The following WDR70 variants were observed in gnomAD, a reference collection of about 807,000 sequenced individuals.
WDR70 encodes the protein WD repeat-containing protein 70.
In WDR70, 53 loss-of-function variants were observed where a neutral mutation model predicts 88.6. The ratio of observed to expected loss-of-function variants is 0.60; its 90% CI spans 0.48 to 0.75. The LOEUF (loss-of-function observed/expected upper bound fraction) is 0.75, where lower values mean the gene tolerates loss of function less well. Among genes scored for constraint, WDR70 ranks in the 30% least tolerant of loss-of-function variants. The pLI, the probability that WDR70 is intolerant of heterozygous loss-of-function variation, is 0.00. For missense variants in WDR70, 610 were observed against 823.2 expected (o/e 0.74, Z 3.17); for synonymous variants, 280 against 270.0 (o/e 1.04, Z -0.36).
intron 5 of WDR70, among the ~76,000 whole-genome samples, chr5:37,402,944 G>GTT (rs5867348): frequency 0.02 from 1,692 of 84,312 alleles, 222 homozygotes; most frequent in African/African-American, 0.059. Context: ...CCCTCCCTCC[G>GTT]TTTTTTTTTT....
intron 10 of WDR70, among the ~76,000 whole-genome samples, chr5:37,689,231 T>A (rs1413025452): frequency 1.3e-5 from 2 of 152,220 alleles, no homozygotes; most frequent in Non-Finnish European, 2.9e-5. Flanking sequence ...GCCTACTGCC[T>A]CTATGCACTC....
At chr5:37,696,552 C>A (rs1746987690) in intron 10 of WDR70, among the ~76,000 whole-genome samples, 1 of 152,184 alleles carries the variant, frequency 6.6e-6, no homozygotes, top group South Asian at 2.1e-4. Context: ...CACATGCTGT[C>A]ATTACCAGCA....
chr5:37,706,329 C>T (rs1747319517), intron 13 of WDR70, among the ~76,000 whole-genome samples: 1 of 152,122 alleles, frequency 6.6e-6, no homozygotes, highest in South Asian at 2.1e-4. Flanking sequence ...TAGACATTCC[C>T]TTGTAGTCTA....
chr5:37,420,228 AAAGT>A (rs1238311554), intron 5 of WDR70, among the ~76,000 whole-genome samples: 1 of 152,164 alleles, frequency 6.6e-6, no homozygotes, highest in Non-Finnish European at 1.5e-5. Context: ...AAAAGAGAAA[AAAGT>A]AAGTATTCTT....
intron 10 of WDR70, among the ~76,000 whole-genome samples, chr5:37,652,830 G>T (rs10078503): frequency 0.11 from 16,032 of 152,150 alleles, 2,724 homozygotes; most frequent in African/African-American, 0.36. Context: ...TCAGCTTAAG[G>T]AGATTTTGGG....
intron 16 of WDR70, among the ~76,000 whole-genome samples, chr5:37,725,278 G>T (rs1747938711): frequency 6.6e-6 from 1 of 151,986 alleles, no homozygotes; most frequent in South Asian, 2.1e-4. Flanking sequence ...GAGGAAGACT[G>T]GGGCCCTTTC....
At chr5:37,656,119 G>A (rs1340522547) in intron 10 of WDR70, among the ~76,000 whole-genome samples, 3 of 152,070 alleles carry the variant, frequency 2.0e-5, no homozygotes, top group Admixed American at 2.0e-4. Context: ...TTTGGATGGG[G>A]TTTTTGTGTG....
intron 8 of WDR70, among the ~76,000 whole-genome samples, chr5:37,501,637 T>C (rs1740408470): frequency 6.6e-6 from 1 of 152,186 alleles, no homozygotes; most frequent in Admixed American, 6.5e-5. Flanking sequence ...TTTGTAGGCA[T>C]ACAGTTTTAT....
At chr5:37,590,882 C>T (rs1303486389) in intron 9 of WDR70, among the ~76,000 whole-genome samples, 1 of 151,764 alleles carries the variant, frequency 6.6e-6, no homozygotes, top group Non-Finnish European at 1.5e-5. Flanking sequence ...AAAACCAAAA[C>T]AGAACAAAAA....
chr5:37,645,365 T>C (rs1745205410), intron 10 of WDR70, among the ~76,000 whole-genome samples: 1 of 152,108 alleles, frequency 6.6e-6, no homozygotes. Context: ...ATGATATTAT[T>C]TCAATTTTTG....
At chr5:37,382,676 T>A (rs992724723) in intron 3 of WDR70, among the ~76,000 whole-genome samples, 5 of 152,064 alleles carry the variant, frequency 3.3e-5, no homozygotes, top group African/African-American at 1.2e-4. Context: ...AGTGCTGGGA[T>A]TACAGGTGTG....
chr5:37,564,538 G>GGTGGGGAGAGGGAGACC lies in WDR70; in HGVS notation c.918-40510_918-40494dup, dbSNP rs1221612918. 7.9e-4 allele frequency among the ~76,000 whole-genome samples: 99 copies of GGTGGGGAGAGGGAGACC among 125,412 alleles called. 2 individuals are homozygous for GGTGGGGAGAGGGAGACC. The East Asian group carries it at 0.02, about 26-fold the overall frequency. The allele number at this position is 125,412 out of a possible 152,430, so 82.3% of individuals were successfully genotyped here. A position where few individuals can be genotyped will look rare whatever the true frequency, so the allele number is the denominator to read the frequency against. On this transcript the variant is annotated intron_variant, in intron 9 of 17. Transcript: ENST00000265107. Reference sequence around the variant, plus strand: ...CGTGGAAAGAGAGGGAGAGGGAGACGGTGGGGAGAGGGAGACCGTGGGGAG... The same window carrying GGTGGGGAGAGGGAGACC: ...CGTGGAAAGAGAGGGAGAGGGAGACGGTGGGGAGAGGGAGACCGTGGGGAGAGGGAGACCGTGGGGAG...
chr5:37,589,831 G>A (rs945957948), intron 9 of WDR70, among the ~76,000 whole-genome samples: 4 of 152,046 alleles, frequency 2.6e-5, no homozygotes, highest in African/African-American at 9.7e-5. Flanking sequence ...TGAATACCTG[G>A]ACTCAAGTGA....
intron 7 of WDR70, among the ~76,000 whole-genome samples, chr5:37,470,166 C>T (rs1042165255): frequency 4.0e-5 from 6 of 151,178 alleles, no homozygotes; most frequent in African/African-American, 1.5e-4. Context: ...TAAACCCAAA[C>T]CCCTCAAACA....
At chr5:37,746,580 A>C (rs1748643518) in intron 17 of WDR70, among the ~76,000 whole-genome samples, 1 of 152,170 alleles carries the variant, frequency 6.6e-6, no homozygotes, top group Admixed American at 6.5e-5. Flanking sequence ...AAAATAATAA[A>C]AGGGATATCA....
intron 7 of WDR70, among the ~76,000 whole-genome samples, chr5:37,470,937 G>C (rs1240006479): frequency 1.3e-5 from 2 of 151,458 alleles, no homozygotes; most frequent in Admixed American, 1.3e-4. Context: ...GCCCAGGCTG[G>C]AGTGCAGTGG....
At chr5:37,519,517 C>T (rs1221581295) in intron 9 of WDR70, among the ~76,000 whole-genome samples, 11 of 146,376 alleles carry the variant, frequency 7.5e-5, no homozygotes, top group South Asian at 2.2e-4. Context: ...CGGAGGCGCT[C>T]CTCACCTCCC....
In WDR70 at chr5:37,559,125, G is replaced by T. The variant is rs544033284; in HGVS notation, c.917+42535G>T. Among the ~76,000 whole-genome samples the T allele has an allele frequency of 6.3e-4, 96 of 151,892 alleles. No homozygotes were observed. The South Asian group carries it at 0.011, about 17-fold the overall frequency. On this transcript the variant is annotated intron_variant, in intron 9 of 17. Coordinates refer to ENST00000265107, the MANE Select transcript of WDR70 (RefSeq NM_018034.4). ...ATTTTTGTATTTTTAATAGAGACAG[G>T]GTTTCATTGTGTTGGCCAGGCTGGT...
chr5:37,513,133 G>A (rs59346765), intron 8 of WDR70, among the ~76,000 whole-genome samples: 25,217 of 152,036 alleles, frequency 0.17, 2,210 homozygotes, highest in South Asian at 0.26. Flanking sequence ...GTGTGAATAT[G>A]TAAAATGTTA....
Sources: allele counts gnomAD v4.1 joint callset (sites outside exome capture counted in the v4.1 genomes callset), GRCh38; gene constraint gnomAD v4.1.1; transcripts MANE v1.5; gene names NCBI Gene and HGNC (gene_info 2026-07-23, HGNC 2026-07-21).